OSBPL9: variants seen among roughly 807,000 people sequenced by gnomAD.
The protein encoded by OSBPL9 is oxysterol-binding protein-related protein 9.
OSBPL9 carries 40 observed loss-of-function variants against 106.6 expected under a neutral mutation model. That is an observed-to-expected ratio of 0.38 (90% CI 0.29 to 0.49). OSBPL9 has a LOEUF of 0.49. Ranked by LOEUF, OSBPL9 falls within the 20% of genes least tolerant of loss-of-function variation. The pLI, the probability that OSBPL9 is intolerant of heterozygous loss-of-function variation, is 0.97. For missense variants in OSBPL9, 609 were observed against 887.2 expected, an observed-to-expected ratio of 0.69 and a Z score of 3.98; for synonymous variants, 269 against 295.4, an observed-to-expected ratio of 0.91 and a Z score of 0.92.
intron 1 of OSBPL9, among the ~76,000 whole-genome samples, chr1:51,596,467 G>C (rs529251020): frequency 6.7e-6 from 1 of 150,178 alleles, no homozygotes; most frequent in East Asian, 2.0e-4. Flanking sequence ...GCTGAGGCAG[G>C]AGAATCACTT....
At chr1:51,730,961 G>A (rs1049949577) in intron 4 of OSBPL9, among the ~76,000 whole-genome samples, 3 of 151,892 alleles carry the variant, frequency 2.0e-5, no homozygotes, top group African/African-American at 7.3e-5. Flanking sequence ...AACACTGCCT[G>A]TATTGAACTA....
At chr1:51,545,033 A>G in the OSBPL9 span, among the ~76,000 whole-genome samples, 1 of 151,950 alleles carries the variant, frequency 6.6e-6, no homozygotes, top group African/African-American at 2.4e-5. Flanking sequence ...TAGTAGAGAC[A>G]GGGTTTCACC....
intron 2 of OSBPL9, among the ~76,000 whole-genome samples, chr1:51,657,576 T>A (rs1366413298): frequency 2.0e-5 from 3 of 152,218 alleles, no homozygotes; most frequent in African/African-American, 4.8e-5. Context: ...TGAATTCAGA[T>A]ACTGTAAGTC....
intron 1 of OSBPL9, 132 bp from the exon 2 acceptor site, chr1:51,651,859 C>CT (rs1212283010): frequency 2.6e-5 from 17 of 658,480 alleles, no homozygotes; most frequent in Admixed American, 2.6e-4. Context: ...TAAGTAATTT[C>CT]TTTTTGGAAG....
chr1:51,673,798 G>A (rs1443448200), intron 3 of OSBPL9, among the ~76,000 whole-genome samples: 1 of 152,014 alleles, frequency 6.6e-6, no homozygotes, highest in Non-Finnish European at 1.5e-5. Flanking sequence ...GAGCCCAGGA[G>A]TTTAAGACTG....
chr1:51,625,007 T>C (rs1482360255), intron 1 of OSBPL9, among the ~76,000 whole-genome samples: 4 of 152,264 alleles, frequency 2.6e-5, no homozygotes, highest in African/African-American at 9.6e-5. Flanking sequence ...TTTGGAATTC[T>C]TGTTTACACA....
chr1:51,597,084 G>A (rs748504333), intron 1 of OSBPL9, among the ~76,000 whole-genome samples: 2 of 152,150 alleles, frequency 1.3e-5, no homozygotes, highest in African/African-American at 2.4e-5. Flanking sequence ...GGCAACAAGT[G>A]CAAAGGCTCT....
At chr1:51,644,078 TAAAA>T (rs968921768) in intron 1 of OSBPL9, among the ~76,000 whole-genome samples, 7 of 43,252 alleles carry the variant, frequency 1.6e-4, no homozygotes, top group Admixed American at 3.5e-4. Flanking sequence ...AGACCTTGTC[TAAAA>T]AAAAAAAAAA....
At chr1:51,669,369 TAGC>T in intron 2 of OSBPL9, 62 bp from the exon 3 acceptor site, 1 of 1,327,884 alleles carries the variant, frequency 7.5e-7, no homozygotes, top group South Asian at 1.2e-5. Context: ...TCCAGGGCTA[TAGC>T]AGTAGTGAAT....
intron 3 of OSBPL9, among the ~76,000 whole-genome samples, chr1:51,695,347 A>G (rs927419846): frequency 2.0e-5 from 3 of 152,212 alleles, no homozygotes; most frequent in Non-Finnish European, 4.4e-5. Flanking sequence ...CATTGCAAAC[A>G]TGACAAACGC....
chr1:51,653,214 T>A (rs974511406), intron 2 of OSBPL9, among the ~76,000 whole-genome samples: 1 of 151,902 alleles, frequency 6.6e-6, no homozygotes, highest in African/African-American at 2.4e-5. Flanking sequence ...TTTTCTAAAA[T>A]TTTCCTTTGG....
At chr1:51,758,913 A>G (rs1670929591) in intron 9 of OSBPL9, among the ~76,000 whole-genome samples, 1 of 152,186 alleles carries the variant, frequency 6.6e-6, no homozygotes, top group African/African-American at 2.4e-5. Context: ...TTGGTCTAGT[A>G]TCTGAAAATA....
At chr1:51,577,085 GGTT>G (rs1251899094), upstream of OSBPL9, 6 of 152,162 alleles carry the variant, frequency 3.9e-5, no homozygotes, top group African/African-American at 1.2e-4. Flanking sequence ...GAGATCTGGT[GGTT>G]TAAAAGTGTG....
chr1:51,730,193 G>T (rs1445634757), intron 4 of OSBPL9: 2 of 1,229,318 alleles, frequency 1.6e-6, no homozygotes, highest in Non-Finnish European at 2.0e-6. Context: ...GCCTAGATGG[G>T]GTGGAGGCTG....
rs960552957 is a variant in OSBPL9, at chr1:51,719,252, A to C, written c.318+5173A>C. On this transcript the variant is annotated intron_variant, in intron 4 of 23. Coordinates refer to ENST00000428468, the MANE Select transcript of OSBPL9 (RefSeq NM_024586.6). ...TCGGCTCTTATGGAAGCTGAATTCC[A>C]GTAGTCATTCTAAATTTGTTGTATG... Among the ~76,000 whole-genome samples, 3 of 152,182 alleles carry C rather than the reference A, an allele frequency of 2.0e-5. No individual in the cohort carries two copies. The East Asian group carries it at 5.8e-4, about 29-fold the overall frequency.
chr1:51,706,746 T>A (rs1471900319), intron 3 of OSBPL9, among the ~76,000 whole-genome samples: 1 of 151,396 alleles, frequency 6.6e-6, no homozygotes, highest in East Asian at 1.9e-4. Flanking sequence ...CTACTTTAAC[T>A]GTATCCAATG....
the OSBPL9 span, among the ~76,000 whole-genome samples, chr1:51,531,691 G>T: frequency 6.6e-6 from 1 of 152,212 alleles, no homozygotes; most frequent in African/African-American, 2.4e-5. Flanking sequence ...CAAGGATGCG[G>T]TTGGAATAAG....
At chr1:51,779,310 C>T (rs1434024883) in intron 15 of OSBPL9, among the ~76,000 whole-genome samples, 1 of 152,160 alleles carries the variant, frequency 6.6e-6, no homozygotes, top group East Asian at 1.9e-4. Context: ...AAAGGACACC[C>T]TTCTCAACAA....
chr1:51,669,783 C>T, intron 3 of OSBPL9: 1 of 539,416 alleles, frequency 1.9e-6, no homozygotes, highest in Non-Finnish European at 3.6e-6. Flanking sequence ...GAGTAATGGG[C>T]TGCTGCTGCT....
Sources: gnomAD v4.1 joint callset for allele counts (sites outside exome capture counted in the v4.1 genomes callset) on GRCh38, gnomAD v4.1.1 for gene constraint, MANE v1.5 for transcripts, NCBI Gene and HGNC (gene_info 2026-07-23, HGNC 2026-07-21) for gene names.